Variants in MYOM2 observed in about 807,000 individuals in gnomAD.
MYOM2 encodes myomesin-2.
In MYOM2, 254 loss-of-function variants were observed where a neutral mutation model predicts 187.6. That is an observed-to-expected ratio of 1.35 (90% CI 1.22 to 1.50). MYOM2 has a LOEUF of 1.50. Among genes scored for constraint, MYOM2 ranks in the 40% most tolerant of loss-of-function variants. The pLI, the probability that MYOM2 is intolerant of heterozygous loss-of-function variation, is 0.00. For missense variants in MYOM2, 2,796 were observed against 1,924.0 expected, an observed-to-expected ratio of 1.45 and a Z score of -8.48; for synonymous variants, 981 against 753.8, an observed-to-expected ratio of 1.30 and a Z score of -4.94.
chr8:2,097,471 C>G (rs1225953925), intron 18 of MYOM2, among the ~76,000 whole-genome samples: 1 of 152,072 alleles, frequency 6.6e-6, no homozygotes, highest in Non-Finnish European at 1.5e-5. Flanking sequence ...CCTCCCAGTA[C>G]TTACAATTTT....
intron 28 of MYOM2, among the ~76,000 whole-genome samples, chr8:2,120,680 T>TATATAATATATA: frequency 6.2e-5 from 3 of 48,300 alleles, no homozygotes; most frequent in Non-Finnish European, 1.2e-4. Context: ...ATATATTATA[T>TATATAATATATA]TATATATAAA....
intron 21 of MYOM2, among the ~76,000 whole-genome samples, chr8:2,105,340 C>G (rs1456025366): frequency 6.6e-6 from 1 of 152,216 alleles, no homozygotes; most frequent in Non-Finnish European, 1.5e-5. Flanking sequence ...CTCAGTTCCA[C>G]TCACCAGCAG....
Position 2,078,767 on chromosome 8 carries a change from C to T in MYOM2, c.1296C>T (p.Cys432=), listed in dbSNP as rs1819520847. ...TAGGAACGAATAATTGGGTGCAGTG[C>T]AATGATGCACCGGTGAAAATCTGCA... ...CEVGTNNWVQ[C]NDAPVKICKY... The change falls in exon 12 of 37, where the codon TGC becomes TGT. Residue 432 remains cysteine (C), a synonymous_variant. Coordinates refer to ENST00000262113, the MANE Select transcript of MYOM2 (RefSeq NM_003970.4). The T allele has an allele frequency of 1.9e-6, 3 of 1,614,104 alleles. No homozygotes were observed. The highest frequency in any genetic ancestry group is 2.5e-6 in the Non-Finnish European group (3 of 1,180,022).
At position 2,137,564 on chromosome 8, in the gene MYOM2, T is replaced by TTGTGTG. The variant is rs35420025; in HGVS notation, c.3801-3146_3801-3141dup. Among the ~76,000 whole-genome samples, 112 of 150,204 alleles carry TTGTGTG rather than the reference T, an allele frequency of 7.5e-4. 1 individual carries two copies. Among genetic ancestry groups the TTGTGTG allele is most frequent in the African/African-American group, 2.5e-3 (102 of 40,838 alleles). On this transcript the variant is annotated intron_variant, in intron 32 of 36. Transcript: ENST00000262113. ...ACATAGCCAAGTTGGCTGTGCCTGG[T>TTGTGTG]TGTGTGTGTGTGTGTGTGCATTTGT...
rs1186550990 is a variant in MYOM2, at chr8:2,078,899, T to A, written c.1428T>A (p.Ala476=). 1 of 1,614,014 alleles carries A rather than the reference T, an allele frequency of 6.2e-7. No homozygotes were observed. The highest frequency in any genetic ancestry group is 8.5e-7 in the Non-Finnish European group (1 of 1,179,880). The part of the protein sequence containing the change: ...SRPSRVSDAV[A]ALDPLDLRRL... ...CCTCCAGGGTCTCTGATGCGGTGGC[T>A]GCACTTGACCCCTTGGACCTCAGAA... The change falls in exon 12 of 37, where the codon GCT becomes GCA. Residue 476 remains alanine, a synonymous_variant. Coordinates refer to ENST00000262113, the MANE Select transcript of MYOM2 (RefSeq NM_003970.4).
chr8:2,076,134 C>A lies in MYOM2; in HGVS notation c.1121-7C>A, dbSNP rs1378186922. 2.5e-6 allele frequency: 4 copies of A among 1,609,886 alleles called. No homozygotes were observed. The highest frequency in any genetic ancestry group is 3.4e-6 in the Non-Finnish European group (4 of 1,178,782). ...CAGGCGTGTGCCTTTTCTCTCCCTG[C>A]CCCAAGATGCTGACCCGCTGGTCAC... On this transcript the variant is annotated splice_region_variant and splice_polypyrimidine_tract_variant and intron_variant, in intron 10 of 36. Transcript: ENST00000262113.
intron 27 of MYOM2, among the ~76,000 whole-genome samples, chr8:2,116,836 C>T (rs1234915338): frequency 6.6e-6 from 1 of 152,284 alleles, no homozygotes; most frequent in South Asian, 2.1e-4. Context: ...TGGCTCACTG[C>T]AAGCTCCGCC....
rs759014148 is a variant in MYOM2, at chr8:2,073,449, A to C, written c.1069A>C (p.Ile357Leu). 12 of 1,610,230 alleles carry C rather than the reference A, an allele frequency of 7.5e-6. No homozygotes were observed. The highest frequency in any genetic ancestry group is 1.0e-5 in the Non-Finnish European group (12 of 1,179,016). Residue 357 changes from isoleucine (I) to leucine (L), a missense_variant, in exon 10 of 37, where the codon ATC becomes CTC. By Grantham distance (5) the Ile-to-Leu change is conservative. Coordinates refer to ENST00000262113, the MANE Select transcript of MYOM2 (RefSeq NM_003970.4). Reference protein sequence around the residue: ...KDDEGLYTLRIVSRGGVSDHS... With the variant: ...KDDEGLYTLRLVSRGGVSDHS... ...CGACGAGGGCCTGTACACCCTGCGCATCGTGTCTCGGGGCGGCGTCAGCGA... is the reference window on the plus strand; with the variant it reads ...CGACGAGGGCCTGTACACCCTGCGCCTCGTGTCTCGGGGCGGCGTCAGCGA...
intron 3 of MYOM2, among the ~76,000 whole-genome samples, chr8:2,057,099 C>A (rs1478982299): frequency 1.3e-5 from 2 of 152,110 alleles, no homozygotes; most frequent in South Asian, 2.1e-4. Context: ...GCAGGCACTT[C>A]CTGTATTTTT....
chr8:2,067,883 G>A (rs1819069228), intron 6 of MYOM2, among the ~76,000 whole-genome samples: 1 of 152,150 alleles, frequency 6.6e-6, no homozygotes, highest in African/African-American at 2.4e-5. Flanking sequence ...GATTCTGGAT[G>A]TAGCCTCTTA....
chr8:2,140,787 C>T lies in MYOM2; in HGVS notation c.3865C>T (p.Gln1289Ter), dbSNP rs777248944. 8.1e-6 allele frequency: 13 copies of T among 1,613,944 alleles called. No individual in the cohort carries two copies. In the Admixed American group the frequency reaches 2.0e-4, roughly 25 times the overall value. Reference sequence around the variant, plus strand: ...GGGGAGTGAAGAGATGGCTTGGCTGCAGATATGTGAGCCGACTGAGAAGGA... The same window carrying T: ...GGGGAGTGAAGAGATGGCTTGGCTGTAGATATGTGAGCCGACTGAGAAGGA... ...IGGSEEMAWL[Q>*]ICEPTEKDKG... Residue 1289 changes from glutamine (Q) to a stop codon, truncating the protein, a stop_gained, in exon 33 of 37, where the codon CAG (glutamine) becomes TAG (stop). Coordinates refer to ENST00000262113, the MANE Select transcript of MYOM2 (RefSeq NM_003970.4). LOFTEE classifies it high-confidence loss of function.
At chr8:2,139,352 G>C (rs1034416334) in intron 32 of MYOM2, among the ~76,000 whole-genome samples, 2 of 151,978 alleles carry the variant, frequency 1.3e-5, no homozygotes, top group African/African-American at 4.8e-5. Context: ...TGTTTTCCAG[G>C]CTGGTCTCCA....
At chr8:2,144,563 A>G in intron 36 of MYOM2, 101 bp from the exon 37 acceptor site, 2 of 1,202,246 alleles carry the variant, frequency 1.7e-6, no homozygotes, top group Non-Finnish European at 2.4e-6. Flanking sequence ...TGAAGGACCA[A>G]TAAATGTAAC....
chr8:2,108,875 T>C (rs774005417), intron 24 of MYOM2, 45 bp downstream of exon 24: 85 of 1,592,442 alleles, frequency 5.3e-5, no homozygotes, highest in Non-Finnish European at 7.0e-5. Context: ...AGCTGCTGGC[T>C]GGAGGGCCGT....
chr8:2,058,270 C>T (rs546670458), intron 5 of MYOM2, among the ~76,000 whole-genome samples: 4 of 152,164 alleles, frequency 2.6e-5, no homozygotes, highest in African/African-American at 4.8e-5. Flanking sequence ...CCACCTGCCT[C>T]GGCCTCCCAA....
chr8:2,069,393 G>T (rs552346384), intron 7 of MYOM2, 27 bp downstream of exon 7: 4 of 1,613,894 alleles, frequency 2.5e-6, no homozygotes, highest in Middle Eastern at 1.7e-4. Flanking sequence ...CTTTCACGGG[G>T]CACCTCCCGC....
intron 32 of MYOM2, among the ~76,000 whole-genome samples, chr8:2,135,140 T>C (rs765583175): frequency 2.0e-5 from 3 of 152,190 alleles, no homozygotes; most frequent in Non-Finnish European, 4.4e-5. Context: ...TGTTGTTTTT[T>C]GTTTTGTTTT....
At position 2,092,499 on chromosome 8, in the gene MYOM2, A is replaced by G. The variant is rs1218087357; in HGVS notation, c.1982A>G (p.His661Arg). 1.2e-6 allele frequency: 2 copies of G among 1,614,026 alleles called. No homozygotes were observed. The highest frequency in any genetic ancestry group is 1.7e-6 in the Non-Finnish European group (2 of 1,179,986). Reference protein sequence around the residue: ...AGTNLWEPCNHKPIGYNRFVV... With the variant: ...AGTNLWEPCNRKPIGYNRFVV... Reference sequence around the variant, plus strand: ...ACCAACCTCTGGGAGCCCTGCAACCACAAGCCCATCGGATACAACAGGTGC... The same window carrying G: ...ACCAACCTCTGGGAGCCCTGCAACCGCAAGCCCATCGGATACAACAGGTGC... Residue 661 changes from histidine (H) to arginine (R), a missense_variant, in exon 16 of 37, where the codon CAC (histidine) becomes CGC (arginine). Coordinates refer to ENST00000262113, the MANE Select transcript of MYOM2 (RefSeq NM_003970.4).
Position 2,143,476 on chromosome 8 carries a change from C to T in MYOM2, c.4080+20C>T, listed in dbSNP as rs1277042691. The T allele has an allele frequency of 1.2e-6, 2 of 1,614,052 alleles. No individual in the cohort carries two copies. Among genetic ancestry groups the T allele is most frequent in the East Asian group, 4.5e-5 (2 of 44,846 alleles). ...GGGAAGGTGAGGATTCTAAACTCGG[C>T]CGGGGTGGGGGTGTCAGCACGGTGC... On this transcript the variant is annotated intron_variant, in intron 36 of 36. Coordinates refer to ENST00000262113, the MANE Select transcript of MYOM2 (RefSeq NM_003970.4).
Sources: gnomAD v4.1 joint callset for allele counts (sites outside exome capture counted in the v4.1 genomes callset) on GRCh38, gnomAD v4.1.1 for gene constraint, MANE v1.5 for transcripts, NCBI Gene and HGNC (gene_info 2026-07-23, HGNC 2026-07-21) for gene names.